PAK4: variants seen among roughly 807,000 people sequenced by gnomAD.
The protein encoded by PAK4 is serine/threonine-protein kinase PAK 4.
A neutral mutation model predicts 53.5 loss-of-function variants in PAK4; 49 were observed. The ratio of observed to expected loss-of-function variants is 0.92; its 90% CI spans 0.73 to 1.16. The LOEUF is 1.16. Ranked by LOEUF, PAK4 falls within the 50% of genes most tolerant of loss-of-function variation. PAK4 has a pLI of 0.00. For missense variants in PAK4, 824 were observed against 850.7 expected (o/e 0.97, Z 0.39); for synonymous variants, 376 against 375.6 (o/e 1.00, Z -0.01).
At chr19:39,157,070 TG>T (rs1257131274) in intron 1 of PAK4, among the ~76,000 whole-genome samples, 1 of 152,060 alleles carries the variant, frequency 6.6e-6, no homozygotes, top group Admixed American at 6.5e-5. Context: ...AGCCTCTCTG[TG>T]GGAGCACGCT....
chr19:39,171,804 C>T (rs368454819), intron 2 of PAK4, among the ~76,000 whole-genome samples: 3 of 152,242 alleles, frequency 2.0e-5, no homozygotes, highest in Admixed American at 6.5e-5. Context: ...GCAGGGCCCA[C>T]GTTCTCAGCT....
At chr19:39,140,631 TA>T (rs755132879) in intron 1 of PAK4, among the ~76,000 whole-genome samples, 15 of 152,188 alleles carry the variant, frequency 9.9e-5, no homozygotes, top group Non-Finnish European at 1.8e-4. Context: ...TTGATGGGAC[TA>T]GGGGGGACTG....
intron 1 of PAK4, among the ~76,000 whole-genome samples, chr19:39,129,359 T>A (rs1357944983): frequency 6.6e-6 from 1 of 152,024 alleles, no homozygotes; most frequent in Non-Finnish European, 1.5e-5. Flanking sequence ...AGGTGGTCCG[T>A]TGGAGCTATA....
At chr19:39,126,822 CT>C (rs112641076) in intron 1 of PAK4, among the ~76,000 whole-genome samples, 204 of 152,300 alleles carry the variant, frequency 1.3e-3, no homozygotes, top group African/African-American at 4.4e-3. Flanking sequence ...CTGCTGCAAT[CT>C]TGTGAAGTGA....
chr19:39,132,328 G>A (rs887102115), intron 1 of PAK4, among the ~76,000 whole-genome samples: 16 of 152,034 alleles, frequency 1.1e-4, no homozygotes, highest in South Asian at 2.1e-4. Context: ...TTTCCCACCC[G>A]CCTGCCAGGC....
intron 1 of PAK4, among the ~76,000 whole-genome samples, chr19:39,137,812 G>A (rs978224550): frequency 9.9e-5 from 15 of 151,598 alleles, no homozygotes; most frequent in South Asian, 4.2e-4. Context: ...GACTACAGTC[G>A]TGCGCCACCA....
chr19:39,177,604 C>T (rs910263170), intron 7 of PAK4, 71 bp from the exon 9 acceptor site: 4 of 1,510,642 alleles, frequency 2.6e-6, no homozygotes, highest in Non-Finnish European at 3.6e-6. Context: ...TGGAGCGGTC[C>T]CTGCCTGAGG....
chr19:39,182,816 CAA>C (rs35892153), downstream of PAK4: 10 of 116,840 alleles, frequency 8.6e-5, no homozygotes, highest in Non-Finnish European at 1.1e-4. Context: ...GAGATTCTGT[CAA>C]AAAAAAAAAA....
chr19:39,148,437 T>TGTCTTAG (rs906021371), intron 1 of PAK4, among the ~76,000 whole-genome samples: 1 of 143,182 alleles, frequency 7.0e-6, no homozygotes, highest in Admixed American at 7.3e-5. Context: ...CCCTGTGCCC[T>TGTCTTAG]GTCTTAGGTA....
chr19:39,174,677 C>T (rs376338126), intron 4 of PAK4, among the ~76,000 whole-genome samples: 1 of 152,098 alleles, frequency 6.6e-6, no homozygotes, highest in Non-Finnish European at 1.5e-5. Context: ...TTCCCACCTG[C>T]CCCCCAGCAC....
At chr19:39,165,195 G>GATAATA (rs71169565) in intron 1 of PAK4, among the ~76,000 whole-genome samples, 230 of 128,434 alleles carry the variant, frequency 1.8e-3, no homozygotes, top group Middle Eastern at 3.9e-3. Flanking sequence ...TGATGATGAT[G>GATAATA]ATAATAATAA....
chr19:39,158,076 ATG>A (rs3057075), intron 1 of PAK4, among the ~76,000 whole-genome samples: 44,777 of 151,444 alleles, frequency 0.3, 7,033 homozygotes, highest in East Asian at 0.37. Flanking sequence ...GTGAGCATGC[ATG>A]TGTGTGTGTG....
At chr19:39,182,448 T>C (rs1193574678), downstream of PAK4, 1 of 152,204 alleles carries the variant, frequency 6.6e-6, no homozygotes, top group Non-Finnish European at 1.5e-5. Flanking sequence ...ACTTTCTGAT[T>C]TAGTGACAGA....
At position 39,177,600 on chromosome 19, in the gene PAK4, G is replaced by A. The variant is rs918916993; in HGVS notation, c.1486-75G>A. 1.5e-5 allele frequency: 22 copies of A among 1,479,210 alleles called. No individual in the cohort carries two copies. In the South Asian group the frequency reaches 1.7e-4, roughly 12 times the overall value. 91.6% of individuals were successfully genotyped at this position (1,479,210 alleles called of 1,614,324 possible). On this transcript the variant is annotated intron_variant, in intron 7 of 8. Transcript: ENST00000358301. ...CCAGAGGCAGAGACAGCGCTGGAGC[G>A]GTCCCTGCCTGAGGCCTCCCCAGGA...
At chr19:39,172,278 G>A (rs991519348) in intron 2 of PAK4, among the ~76,000 whole-genome samples, 1 of 152,152 alleles carries the variant, frequency 6.6e-6, no homozygotes, top group Non-Finnish European at 1.5e-5. Flanking sequence ...GGGGCAGAGG[G>A]GGCCTGCAGG....
chr19:39,172,593 C>T (rs939444102), intron 2 of PAK4, among the ~76,000 whole-genome samples: 5 of 152,128 alleles, frequency 3.3e-5, no homozygotes, highest in Admixed American at 1.3e-4. Context: ...TCAATTTCTG[C>T]CCTTCCTCCC....
rs1204308941 is a variant in PAK4 at position 39,158,563 on chromosome 19, T to TG, written c.-22-10963dup. ...TGTCCATCCCCACCCTGAGTACCTC[T>TG]GGGGGGTGAAGGGCACCAGCAGTGC... On this transcript the variant is annotated intron_variant, in intron 1 of 8. Transcript: ENST00000358301. Among the ~76,000 whole-genome samples the TG allele has an allele frequency of 3.3e-5, 5 of 152,308 alleles. No homozygotes were observed. In the South Asian group the frequency reaches 6.2e-4, roughly 19 times the overall value.
intron 2 of PAK4, among the ~76,000 whole-genome samples, chr19:39,171,731 C>T (rs568506168): frequency 2.0e-5 from 3 of 152,088 alleles, no homozygotes; most frequent in Non-Finnish European, 4.4e-5. Flanking sequence ...CAGTGTTTTC[C>T]ACACATTAGA....
At chr19:39,138,032 A>G (rs1600316103) in intron 1 of PAK4, among the ~76,000 whole-genome samples, 1 of 146,768 alleles carries the variant, frequency 6.8e-6, no homozygotes, top group East Asian at 2.0e-4. Flanking sequence ...CCCAAGCTGG[A>G]GTGCAGTGGT....
Sources: gnomAD v4.1 joint callset for allele counts (sites outside exome capture counted in the v4.1 genomes callset) on GRCh38, gnomAD v4.1.1 for gene constraint, MANE v1.5 for transcripts, NCBI Gene and HGNC (gene_info 2026-07-23, HGNC 2026-07-21) for gene names.